FOXO1: variants seen among roughly 807,000 people sequenced by gnomAD.
FOXO1 encodes the protein forkhead box protein O1.
A neutral mutation model predicts 44.1 loss-of-function variants in FOXO1; 6 were observed. The ratio of observed to expected loss-of-function variants is 0.14; its 90% CI spans 0.07 to 0.27. The LOEUF is 0.27. Among genes scored for constraint, FOXO1 ranks in the 10% least tolerant of loss-of-function variants. The probability of loss-of-function intolerance (pLI) is 1.00; values close to 1 mark genes in which losing one functional copy is unlikely to be tolerated. For synonymous variants in FOXO1, 380 were observed against 362.7 expected (o/e 1.05, Z -0.54); for missense variants, 737 against 888.8 (o/e 0.83, Z 2.17).
At chr13:40,613,420 T>TA (rs11370060) in intron 1 of FOXO1, among the ~76,000 whole-genome samples, 31,446 of 147,072 alleles carry the variant, frequency 0.21, 4,784 homozygotes, top group East Asian at 0.64. Flanking sequence ...GTTTGGTGTT[T>TA]AAAAAAAAAA....
chr13:40,665,233 G>A (rs996507252), intron 1 of FOXO1, among the ~76,000 whole-genome samples: 2 of 152,072 alleles, frequency 1.3e-5, no homozygotes, highest in African/African-American at 4.8e-5. Context: ...GGCAGCCGAA[G>A]CAGTCGGCGC....
At chr13:40,606,562 C>T (rs1228119932) in intron 1 of FOXO1, among the ~76,000 whole-genome samples, 1 of 152,202 alleles carries the variant, frequency 6.6e-6, no homozygotes. Context: ...ATCCGCCCGC[C>T]TCGGCCTCCC....
intron 1 of FOXO1, among the ~76,000 whole-genome samples, chr13:40,577,478 C>A (rs1469906698): frequency 6.6e-6 from 1 of 152,104 alleles, no homozygotes; most frequent in Non-Finnish European, 1.5e-5. Context: ...GCAGACAGTT[C>A]AAATATTTTG....
intron 1 of FOXO1, among the ~76,000 whole-genome samples, chr13:40,664,437 G>C (rs1475965471): frequency 4.6e-5 from 7 of 151,986 alleles, no homozygotes. Context: ...CCTCGGAGTC[G>C]GGAAGTGCCT....
At chr13:40,594,155 A>C (rs1875490096) in intron 1 of FOXO1, among the ~76,000 whole-genome samples, 2 of 152,148 alleles carry the variant, frequency 1.3e-5, no homozygotes. Context: ...ATAAACTCAC[A>C]ATTTCACCTC....
In FOXO1 at chr13:40,568,357, G is replaced by A. The variant is rs150812988; in HGVS notation, c.631-7497C>T. Among the ~76,000 whole-genome samples the A allele has an allele frequency of 5.0e-3, 764 of 152,192 alleles. 9 individuals carry two copies. Among genetic ancestry groups the A allele is most frequent in the African/African-American group, 0.017 (713 of 41,484 alleles). On this transcript the variant is annotated intron_variant, in intron 1 of 2. Coordinates refer to ENST00000379561, the MANE Select transcript of FOXO1 (RefSeq NM_002015.4). The stretch of plus-strand genomic sequence containing the variant: ...GTGTGCGATTGTTATGCAGGCTCCC[G>A]GCATGGCCTTTATTCCCTCCCTCCT...
intron 1 of FOXO1, among the ~76,000 whole-genome samples, chr13:40,572,180 C>T (rs935180879): frequency 6.6e-6 from 1 of 152,098 alleles, no homozygotes; most frequent in Non-Finnish European, 1.5e-5. Context: ...GATTAAAATC[C>T]CTAGGACAAT....
At chr13:40,596,714 G>A (rs891360429) in intron 1 of FOXO1, among the ~76,000 whole-genome samples, 7 of 152,124 alleles carry the variant, frequency 4.6e-5, no homozygotes, top group African/African-American at 1.7e-4. Flanking sequence ...CACTAAGCAC[G>A]CTCTGTTCTC....
Position 40,665,945 on chromosome 13 carries a change from C to T in FOXO1, c.268G>A (p.Val90Met). ...GCCGCCGCCGCCACCGCCGCCGCCACGGAGCCGGGCGCCTGCGGGAAGTCC... is the reference window on the plus strand; with the variant it reads ...GCCGCCGCCGCCACCGCCGCCGCCATGGAGCCGGGCGCCTGCGGGAAGTCC... ...SEDFPQAPGS[V>M]AAAVAAAAAA... The change falls in exon 1 of 3, where the codon GTG becomes ATG. Residue 90 changes from valine (V) to methionine (M), a missense_variant. By Grantham distance (21) the Val-to-Met change is conservative. Transcript: ENST00000379561. 4 of 1,222,522 alleles carry T rather than the reference C, an allele frequency of 3.3e-6. No homozygotes were observed. Among genetic ancestry groups the T allele is most frequent in the Non-Finnish European group, 4.1e-6 (4 of 984,762 alleles). The allele number at this position is 1,222,522 out of a possible 1,614,324, so 75.7% of individuals were successfully genotyped here.
At chr13:40,661,109 G>A (rs746205330) in intron 1 of FOXO1, among the ~76,000 whole-genome samples, 2 of 152,128 alleles carry the variant, frequency 1.3e-5, no homozygotes, top group Non-Finnish European at 2.9e-5. Flanking sequence ...ATTCCAATTT[G>A]GCATCTATTT....
intron 1 of FOXO1, among the ~76,000 whole-genome samples, chr13:40,655,836 A>G (rs1258856346): frequency 6.6e-6 from 1 of 151,690 alleles, no homozygotes; most frequent in Non-Finnish European, 1.5e-5. Flanking sequence ...TAGAGATGGG[A>G]TTTCACTATA....
At chr13:40,617,953 C>G (rs1876482486) in intron 1 of FOXO1, among the ~76,000 whole-genome samples, 1 of 152,198 alleles carries the variant, frequency 6.6e-6, no homozygotes, top group Non-Finnish European at 1.5e-5. Flanking sequence ...AAGTCCAGAT[C>G]CCACACATAC....
In FOXO1 at chr13:40,566,161, T is replaced by C. The variant is rs372875345; in HGVS notation, c.631-5301A>G. On this transcript the variant is annotated intron_variant, in intron 1 of 2. Transcript: ENST00000379561. ...AGCATGTGCAGAGCAGCAGCAGGGG[T>C]TGGCAGAGCAGGGACCTCAACAGGC... is the stretch of plus-strand genomic sequence containing the variant. Among the ~76,000 whole-genome samples the C allele has an allele frequency of 3.9e-5, 6 of 152,068 alleles. No homozygotes were observed. In the East Asian group the frequency reaches 9.7e-4, roughly 24 times the overall value.
chr13:40,615,540 C>T (rs1593401271), intron 1 of FOXO1, among the ~76,000 whole-genome samples: 1 of 96,186 alleles, frequency 1.0e-5, no homozygotes, highest in Non-Finnish European at 2.8e-5. Flanking sequence ...TACATACATA[C>T]ATACATACAT....
intron 1 of FOXO1, chr13:40,621,280 T>G: frequency 1.3e-6 from 1 of 767,004 alleles, no homozygotes; most frequent in South Asian, 1.8e-5. Context: ...GACCGATGGC[T>G]CTCAGAGAAT....
chr13:40,643,347 G>GAAAAA (rs71727126), intron 1 of FOXO1, among the ~76,000 whole-genome samples: 6 of 91,394 alleles, frequency 6.6e-5, no homozygotes, highest in East Asian at 3.5e-4. Context: ...GTCTCAAAAA[G>GAAAAA]AAAAAAAAAA....
intron 1 of FOXO1, among the ~76,000 whole-genome samples, chr13:40,586,559 G>A (rs1875173836): frequency 6.6e-6 from 1 of 152,162 alleles, no homozygotes; most frequent in South Asian, 2.1e-4. Context: ...GGCACCAAAT[G>A]GGAAATAGTG....
rs1873801334 is a variant in FOXO1 at position 40,557,485 on chromosome 13, A to G, written c.*1564T>C. 6.6e-6 allele frequency: 1 copy of G among 152,220 alleles called. No individual in the cohort carries two copies. The highest frequency in any genetic ancestry group is 1.5e-5 in the Non-Finnish European group (1 of 68,038). The allele number at this position is 152,220 out of a possible 1,614,324, so 9.4% of individuals were successfully genotyped here. ...GCTGGTTTTCAAATAAATCTCCCCA[A>G]TTTTTAAGTAAGTTCTATTCCATTT... On this transcript the variant is annotated 3_prime_UTR_variant, in exon 3 of 3. Transcript: ENST00000379561.
chr13:40,645,959 G>A (rs1351073509), intron 1 of FOXO1, among the ~76,000 whole-genome samples: 6 of 151,786 alleles, frequency 4.0e-5, no homozygotes, highest in Non-Finnish European at 5.9e-5. Flanking sequence ...CAGCTACTCC[G>A]GTGAGGCTGA....
Sources: gnomAD v4.1 joint callset for allele counts (sites outside exome capture counted in the v4.1 genomes callset) on GRCh38, gnomAD v4.1.1 for gene constraint, MANE v1.5 for transcripts, NCBI Gene and HGNC (gene_info 2026-07-23, HGNC 2026-07-21) for gene names.